TBC1D8: variants seen among roughly 807,000 people sequenced by gnomAD.
TBC1D8 encodes BUB2-like protein 1.
A neutral mutation model predicts 118.8 loss-of-function variants in TBC1D8; 65 were observed. That is an observed-to-expected ratio of 0.55 (90% CI 0.45 to 0.67). The LOEUF (loss-of-function observed/expected upper bound fraction) is 0.67. Among genes scored for constraint, TBC1D8 ranks in the 30% least tolerant of loss-of-function variants. The pLI, the probability that TBC1D8 is intolerant of heterozygous loss-of-function variation, is 0.00. For synonymous variants in TBC1D8, 566 were observed against 595.8 expected, an observed-to-expected ratio of 0.95 and a Z score of 0.73; for missense variants, 1,376 against 1,471.2, an observed-to-expected ratio of 0.94 and a Z score of 1.06.
At chr2:101,103,803 A>C (rs773504445) in intron 1 of TBC1D8, among the ~76,000 whole-genome samples, 4 of 152,180 alleles carry the variant, frequency 2.6e-5, no homozygotes, top group South Asian at 2.1e-4. Flanking sequence ...ACAAGACAAG[A>C]ATGTCTTCTT....
chr2:101,123,096 C>G (rs1163424178), intron 1 of TBC1D8, among the ~76,000 whole-genome samples: 1 of 152,088 alleles, frequency 6.6e-6, no homozygotes, highest in Non-Finnish European at 1.5e-5. Flanking sequence ...GGAAACTGGG[C>G]ATGGTGGTGC....
intron 2 of TBC1D8, among the ~76,000 whole-genome samples, chr2:101,080,211 G>A (rs912207837): frequency 2.0e-5 from 3 of 152,014 alleles, no homozygotes; most frequent in Admixed American, 6.6e-5. Context: ...GAAAAGAAAC[G>A]TGAACCGCAG....
intron 1 of TBC1D8, among the ~76,000 whole-genome samples, chr2:101,118,040 G>A (rs1178678372): frequency 2.0e-5 from 3 of 151,984 alleles, no homozygotes; most frequent in Non-Finnish European, 2.9e-5. Context: ...TGAAGTTCCT[G>A]AAATAGCAAA....
chr2:101,092,720 T>TCC lies in TBC1D8; in HGVS notation c.128-2357_128-2356insGG, dbSNP rs541769363. Among the ~76,000 whole-genome samples, 139 of 152,242 alleles carry TCC rather than the reference T, an allele frequency of 9.1e-4. 1 individual carries two copies. Among genetic ancestry groups the TCC allele is most frequent in the African/African-American group, 3.3e-3 (136 of 41,534 alleles). On this transcript the variant is annotated intron_variant, in intron 1 of 19. Transcript: ENST00000409318. The stretch of plus-strand genomic sequence containing the variant: ...GGGACAACAAAATATTCCAACTTCA[T>TCC]CTTGTACTTTCACTACTCTGGCCCT...
chr2:101,027,097 C>T (rs934710244), intron 15 of TBC1D8, among the ~76,000 whole-genome samples: 2 of 152,186 alleles, frequency 1.3e-5, no homozygotes, highest in African/African-American at 4.8e-5. Context: ...ATCACAGCAC[C>T]GAAGCCCTCC....
chr2:101,054,393 G>C (rs1682260207), intron 3 of TBC1D8, 57 bp from the exon 4 acceptor site: 1 of 1,529,228 alleles, frequency 6.5e-7, no homozygotes, highest in South Asian at 1.2e-5. Flanking sequence ...AAGGCAGGGG[G>C]TGCAAGGGAC....
intron 17 of TBC1D8, 141 bp from the exon 18 acceptor site, chr2:101,011,681 C>A: frequency 1.4e-6 from 1 of 723,346 alleles, no homozygotes; most frequent in Admixed American, 2.3e-5. Flanking sequence ...TCCACGAACC[C>A]AAATGCACAC....
At chr2:101,098,041 T>G (rs1676582581) in intron 1 of TBC1D8, among the ~76,000 whole-genome samples, 1 of 151,986 alleles carries the variant, frequency 6.6e-6, no homozygotes, top group Non-Finnish European at 1.5e-5. Flanking sequence ...TTTACTTAAT[T>G]AAATCAATTA....
At chr2:101,080,732 G>A (rs943758451) in intron 2 of TBC1D8, among the ~76,000 whole-genome samples, 1 of 151,932 alleles carries the variant, frequency 6.6e-6, no homozygotes, top group African/African-American at 2.4e-5. Flanking sequence ...AATAAAGAAA[G>A]TATGGGAAAG....
chr2:101,080,406 A>G (rs1272911293), intron 2 of TBC1D8, among the ~76,000 whole-genome samples: 2 of 152,158 alleles, frequency 1.3e-5, no homozygotes, highest in Non-Finnish European at 2.9e-5. Context: ...CCTGGTACAA[A>G]GTTCACAGAG....
intron 1 of TBC1D8, among the ~76,000 whole-genome samples, chr2:101,134,542 T>C (rs1678756351): frequency 6.6e-6 from 1 of 152,160 alleles, no homozygotes; most frequent in African/African-American, 2.4e-5. Flanking sequence ...GCAAATGTGA[T>C]GTCTAGTGAG....
At chr2:101,083,079 G>A (rs985916569) in intron 2 of TBC1D8, among the ~76,000 whole-genome samples, 2 of 152,040 alleles carry the variant, frequency 1.3e-5, no homozygotes, top group East Asian at 1.9e-4. Context: ...GGCAGAAAGC[G>A]CCCAAGGAGT....
At chr2:101,121,254 G>A (rs573680427) in intron 1 of TBC1D8, among the ~76,000 whole-genome samples, 13 of 152,286 alleles carry the variant, frequency 8.5e-5, no homozygotes, top group Middle Eastern at 3.4e-3. Context: ...TATCAGCTGT[G>A]CCTGTTTGAA....
chr2:101,096,796 G>GGAGAGGGAGA (rs1553418148), intron 1 of TBC1D8, among the ~76,000 whole-genome samples: 1 of 146,502 alleles, frequency 6.8e-6, no homozygotes, highest in African/African-American at 2.5e-5. Context: ...AGAGAGAGGG[G>GGAGAGGGAGA]GAGAGAGAGA....
rs371112222 is a variant in TBC1D8, at chr2:101,008,185, A to G, written c.3104T>C (p.Val1035Ala). 2 of 1,613,356 alleles carry G rather than the reference A, an allele frequency of 1.2e-6. No individual in the cohort carries two copies. The highest frequency in any genetic ancestry group is 1.7e-6 in the Non-Finnish European group (2 of 1,179,574). ...ENDLYQAIAT[V>A]TTLLLQIGEV... Reference sequence around the variant, plus strand: ...CCCGATCTGCAGCAGCAGTGTGGTGACTGTGGCGATGGCTTGATACAAATC... The same window carrying G: ...CCCGATCTGCAGCAGCAGTGTGGTGGCTGTGGCGATGGCTTGATACAAATC... The change falls in exon 20 of 20, where the codon GTC (valine) becomes GCC (alanine). Residue 1035 changes from valine (V) to alanine (A), a missense_variant. Val to Ala is a moderately conservative substitution (Grantham distance 64). Transcript: ENST00000409318.
chr2:101,024,011 C>T (rs1175759368), intron 15 of TBC1D8: 1 of 152,442 alleles, frequency 6.6e-6, no homozygotes, highest in Non-Finnish European at 1.5e-5. Flanking sequence ...ATAAAGGTCT[C>T]ATAAATTTCT....
At chr2:101,023,421 T>C (rs959522892) in intron 15 of TBC1D8, among the ~76,000 whole-genome samples, 15 of 151,922 alleles carry the variant, frequency 9.9e-5, no homozygotes, top group African/African-American at 3.4e-4. Flanking sequence ...GCTGGGATTA[T>C]AGGCATGAGC....
chr2:101,088,333 C>T (rs966574431), intron 2 of TBC1D8, among the ~76,000 whole-genome samples: 1 of 151,980 alleles, frequency 6.6e-6, no homozygotes, highest in African/African-American at 2.4e-5. Flanking sequence ...CTCACTCTGT[C>T]GCCCAGGCTG....
In TBC1D8 at chr2:101,047,069, G is replaced by A. The variant is rs573847788; in HGVS notation, c.872+3332C>T. On this transcript the variant is annotated intron_variant, in intron 5 of 19. Coordinates refer to ENST00000409318, the MANE Select transcript of TBC1D8 (RefSeq NM_001330348.2). ...TTCAGGATGGTCTTTTTTCCTTTCC[G>A]CTTCCCTCCCTCTGTTCCCTCTGTG... Among the ~76,000 whole-genome samples, 67 of 151,814 alleles carry A rather than the reference G, an allele frequency of 4.4e-4. 1 individual carries two copies. Among genetic ancestry groups the A allele is most frequent in the African/African-American group, 1.5e-3 (61 of 41,370 alleles).
Sources: gnomAD v4.1 joint callset for allele counts (sites outside exome capture counted in the v4.1 genomes callset) on GRCh38, gnomAD v4.1.1 for gene constraint, MANE v1.5 for transcripts, NCBI Gene and HGNC (gene_info 2026-07-23, HGNC 2026-07-21) for gene names.